The following PTN variants were observed in gnomAD, a reference collection of about 807,000 sequenced individuals.
PTN encodes the protein pleiotrophin.
Under a neutral mutation model 24.1 loss-of-function variants are expected in PTN, and 18 were observed. The ratio of observed to expected loss-of-function variants is 0.75; its 90% CI spans 0.52 to 1.11. The LOEUF is 1.11. Ranked by LOEUF, PTN falls within the 50% of genes least tolerant of loss-of-function variation. The pLI is 0.00. For missense variants in PTN, 163 were observed against 198.8 expected (o/e 0.82, Z 1.08); for synonymous variants, 78 against 68.6 (o/e 1.14, Z -0.67).
At chr7:137,238,929 A>C (rs1428600254) in intron 4 of PTN, among the ~76,000 whole-genome samples, 2 of 152,156 alleles carry the variant, frequency 1.3e-5, no homozygotes, top group Non-Finnish European at 2.9e-5. Context: ...AGAAATGCAA[A>C]AGCTTCAGGA....
chr7:137,248,181 G>C (rs1474838513), intron 4 of PTN, among the ~76,000 whole-genome samples: 1 of 152,160 alleles, frequency 6.6e-6, no homozygotes, highest in African/African-American at 2.4e-5. Flanking sequence ...CTTAAAATTA[G>C]AGACGTGCAA....
chr7:137,236,309 T>C, intron 4 of PTN: 1 of 701,314 alleles, frequency 1.4e-6, no homozygotes, highest in South Asian at 1.5e-5. Context: ...GGATGCACTT[T>C]CTTTACACAG....
At chr7:137,243,251 A>G (rs1808663372) in intron 4 of PTN, among the ~76,000 whole-genome samples, 1 of 152,190 alleles carries the variant, frequency 6.6e-6, no homozygotes, top group Non-Finnish European at 1.5e-5. Flanking sequence ...GACAGTTTAT[A>G]CAAAGCCGTT....
chr7:137,249,919 A>G (rs1008081423), intron 4 of PTN, among the ~76,000 whole-genome samples: 28 of 152,210 alleles, frequency 1.8e-4, no homozygotes, highest in African/African-American at 6.5e-4. Flanking sequence ...CAACTCCAGC[A>G]GTGGCCAAAA....
At chr7:137,312,494 C>G (rs953752164) in intron 1 of PTN, among the ~76,000 whole-genome samples, 23 of 152,232 alleles carry the variant, frequency 1.5e-4, no homozygotes, top group African/African-American at 5.3e-4. Flanking sequence ...TGCATACTTG[C>G]AATCTCCACA....
chr7:137,314,197 A>G (rs565275590), intron 1 of PTN, among the ~76,000 whole-genome samples: 26 of 152,194 alleles, frequency 1.7e-4, no homozygotes, highest in Non-Finnish European at 3.4e-4. Flanking sequence ...GGAAGGCTCT[A>G]TAGTACCCTA....
chr7:137,334,071 C>T (rs998120665), intron 1 of PTN, among the ~76,000 whole-genome samples: 5 of 152,148 alleles, frequency 3.3e-5, no homozygotes, highest in African/African-American at 1.2e-4. Context: ...AAACGCTAGA[C>T]CTAAAACCAT....
chr7:137,235,989 G>T (rs1212514973), intron 4 of PTN, among the ~76,000 whole-genome samples: 4 of 152,102 alleles, frequency 2.6e-5, no homozygotes, highest in Non-Finnish European at 5.9e-5. Context: ...GCATTTAACT[G>T]CATCTCCTAA....
intron 1 of PTN, among the ~76,000 whole-genome samples, chr7:137,299,123 G>T (rs1038539101): frequency 6.6e-6 from 1 of 151,938 alleles, no homozygotes. Flanking sequence ...TTCACAGCCA[G>T]AATACTGTTC....
intron 1 of PTN, among the ~76,000 whole-genome samples, chr7:137,255,765 C>T (rs1489147539): frequency 6.6e-6 from 1 of 152,192 alleles, no homozygotes; most frequent in Non-Finnish European, 1.5e-5. Flanking sequence ...CCACCTGTGA[C>T]AGCCTAGTGT....
intron 1 of PTN, among the ~76,000 whole-genome samples, chr7:137,303,661 T>A (rs529441377): frequency 1.3e-5 from 2 of 152,130 alleles, no homozygotes; most frequent in East Asian, 1.9e-4. Context: ...ATAATTTGAT[T>A]CTTATGTTAA....
chr7:137,332,559 T>C (rs2128882880), intron 1 of PTN, among the ~76,000 whole-genome samples: 1 of 152,318 alleles, frequency 6.6e-6, no homozygotes, highest in South Asian at 2.1e-4. Flanking sequence ...CTTTATTTTA[T>C]TGTTTCAAGA....
Position 137,293,502 on chromosome 7 carries a change from G to A in PTN, c.-1-38528C>T, listed in dbSNP as rs763385918. On this transcript the variant is annotated intron_variant, in intron 1 of 4. Coordinates refer to ENST00000348225, the MANE Select transcript of PTN (RefSeq NM_002825.7). ...TAGTAATTAGAGTGGAGTTACTTGT[G>A]CAGGGTGCTGAGGAAGACAGAAATA... Among the ~76,000 whole-genome samples, 82 of 152,220 alleles carry A rather than the reference G, an allele frequency of 5.4e-4. No individual in the cohort carries two copies. The Middle Eastern group carries it at 0.014, about 25-fold the overall frequency.
chr7:137,251,734 T>C (rs1808831501), intron 3 of PTN, among the ~76,000 whole-genome samples: 1 of 151,868 alleles, frequency 6.6e-6, no homozygotes, highest in Non-Finnish European at 1.5e-5. Flanking sequence ...TTATCTGTTC[T>C]CTAGCTCTAT....
At chr7:137,324,451 T>TATATAAAA (rs1460014447) in intron 1 of PTN, among the ~76,000 whole-genome samples, 3 of 133,354 alleles carry the variant, frequency 2.2e-5, no homozygotes, top group Admixed American at 7.4e-5. Flanking sequence ...TATATATATA[T>TATATAAAA]AAATTAACCT....
chr7:137,313,081 C>CTT (rs1554381214), intron 1 of PTN, among the ~76,000 whole-genome samples: 1 of 151,812 alleles, frequency 6.6e-6, no homozygotes, highest in South Asian at 2.1e-4. Flanking sequence ...CTCGTTCCCC[C>CTT]CTCTCATTCA....
intron 1 of PTN, among the ~76,000 whole-genome samples, chr7:137,270,964 C>T (rs1451876684): frequency 2.6e-5 from 4 of 152,156 alleles, no homozygotes; most frequent in Admixed American, 6.5e-5. Flanking sequence ...TTTCCTTCCT[C>T]GTTATTCTCT....
chr7:137,307,263 A>C (rs1809904091), intron 1 of PTN, among the ~76,000 whole-genome samples: 2 of 152,120 alleles, frequency 1.3e-5, no homozygotes, highest in Non-Finnish European at 1.5e-5. Context: ...AGCATCTGAC[A>C]GCTGTTCGGT....
chr7:137,288,101 GA>G (rs1809585553), intron 1 of PTN, among the ~76,000 whole-genome samples: 2 of 152,130 alleles, frequency 1.3e-5, no homozygotes, highest in South Asian at 4.1e-4. Context: ...GGTATAAGTT[GA>G]ATCTTTCAAA....
Sources: gnomAD v4.1 joint callset for allele counts (sites outside exome capture counted in the v4.1 genomes callset) on GRCh38, gnomAD v4.1.1 for gene constraint, MANE v1.5 for transcripts, NCBI Gene and HGNC (gene_info 2026-07-23, HGNC 2026-07-21) for gene names.